The following IGDCC4 variants were observed in gnomAD, a reference collection of about 807,000 sequenced individuals.
IGDCC4 encodes the protein likely ortholog of mouse neighbor of Punc E11.
A neutral mutation model predicts 116.6 loss-of-function variants in IGDCC4; 72 were observed. The ratio of observed to expected loss-of-function variants is 0.62; its 90% CI spans 0.51 to 0.75. The LOEUF is 0.75. Ranked by LOEUF, IGDCC4 falls within the 30% of genes least tolerant of loss-of-function variation. The pLI is 0.00. For synonymous variants in IGDCC4, 709 were observed against 719.9 expected (o/e 0.98, Z 0.24); for missense variants, 1,501 against 1,662.4 (o/e 0.90, Z 1.69).
At chr15:65,392,426 GA>G in intron 10 of IGDCC4, 56 bp from the exon 11 acceptor site, 1 of 1,348,892 alleles carries the variant, frequency 7.4e-7, no homozygotes, top group Non-Finnish European at 1.0e-6. Flanking sequence ...AGAATGAGGA[GA>G]AGGAGGCCAG....
At position 65,388,949 on chromosome 15, in the gene IGDCC4, G is replaced by A. The variant is rs768750680; in HGVS notation, c.2566C>T (p.Leu856=). The part of the protein sequence containing the change: ...RPSTPPSDLR[L]SPLTPSTVRL... ...ACCGTGGACGGTGTCAGGGGGCTCAGTCGCAGGTCGGATGGGGGTGTGGAG... is the reference window on the plus strand; with the variant it reads ...ACCGTGGACGGTGTCAGGGGGCTCAATCGCAGGTCGGATGGGGGTGTGGAG... Residue 856 remains leucine, a synonymous_variant, in exon 15 of 20, where the codon CTG becomes TTG. Transcript: ENST00000352385. 4.3e-6 allele frequency: 7 copies of A among 1,609,592 alleles called. No individual in the cohort carries two copies. Among genetic ancestry groups the A allele is most frequent in the Non-Finnish European group, 5.9e-6 (7 of 1,178,128 alleles).
intron 4 of IGDCC4, among the ~76,000 whole-genome samples, chr15:65,401,957 C>T (rs1045563438): frequency 1.1e-5 from 1 of 91,308 alleles, no homozygotes; most frequent in Non-Finnish European, 2.3e-5. Flanking sequence ...GAGGGACGAA[C>T]CCCCAGTGCC....
At position 65,382,097 on chromosome 15, in the gene IGDCC4, A is replaced by C. The variant is rs1346248287; in HGVS notation, c.*1912T>G. ...AGGGCAGTTTTTTTTTCTTCTTTAA[A>C]AAAAAAAAATCAAACCAGCAAAATA... On this transcript the variant is annotated 3_prime_UTR_variant, in exon 20 of 20. Coordinates refer to ENST00000352385, the MANE Select transcript of IGDCC4 (RefSeq NM_020962.3). 6.6e-6 allele frequency: 1 copy of C among 152,460 alleles called. No individual in the cohort carries two copies. The highest frequency in any genetic ancestry group is 1.5e-5 in the Non-Finnish European group (1 of 68,016). 9.4% of individuals were successfully genotyped at this position (152,460 alleles called of 1,614,324 possible).
rs778384569 is a variant in IGDCC4, at chr15:65,388,907, G to T, written c.2608C>A (p.Pro870Thr). 4.3e-6 allele frequency: 7 copies of T among 1,613,698 alleles called. No homozygotes were observed. The highest frequency in any genetic ancestry group is 1.3e-5 in the African/African-American group (1 of 74,908). Residue 870 changes from proline (P) to threonine (T), a missense_variant, in exon 15 of 20, where the codon CCC becomes ACC. Coordinates refer to ENST00000352385, the MANE Select transcript of IGDCC4 (RefSeq NM_020962.3). ...TPSTVRLHWC[P>T]PTEPNGEIVE... ...ATCTCCCCGTTGGGCTCTGTGGGGG[G>T]GCACCAGTGCAGCCGAACCGTGGAC...
chr15:65,390,646 C>T (rs1009518409), intron 12 of IGDCC4, among the ~76,000 whole-genome samples: 1 of 152,198 alleles, frequency 6.6e-6, no homozygotes, highest in African/African-American at 2.4e-5. Context: ...CACTTACTAG[C>T]TGTGTGACCT....
Position 65,393,674 on chromosome 15 carries a change from G to T in IGDCC4, c.1715-143C>A. 3.8e-6 allele frequency: 3 copies of T among 783,000 alleles called. No individual in the cohort carries two copies. The highest frequency in any genetic ancestry group is 3.9e-6 in the Non-Finnish European group (2 of 513,286). The allele number at this position is 783,000 out of a possible 1,614,324, so 48.5% of individuals were successfully genotyped here. On this transcript the variant is annotated intron_variant, in intron 9 of 19. Coordinates refer to ENST00000352385, the MANE Select transcript of IGDCC4 (RefSeq NM_020962.3). The surrounding 1 kb of genome is among the most constrained non-coding windows in gnomAD (Gnocchi z 4.6). ...GCGTTCTCAGCACTGACCCCTCAGT[G>T]CCTGGGCAGATTCTATGGCTCCAGG...
At chr15:65,385,184 G>T in intron 18 of IGDCC4, 69 bp from the exon 19 acceptor site, 2 of 1,482,666 alleles carry the variant, frequency 1.3e-6, no homozygotes, top group Non-Finnish European at 1.8e-6. Context: ...AAGCCCGGGG[G>T]AGGGAATTGG....
chr15:65,409,835 TC>T (rs144286439), intron 3 of IGDCC4, among the ~76,000 whole-genome samples: 1,552 of 152,198 alleles, frequency 0.01, 21 homozygotes, highest in South Asian at 0.048. Flanking sequence ...CAACCAACAT[TC>T]TGCCAATGGC....
In IGDCC4 at chr15:65,410,165, A is replaced by C; in HGVS notation, c.563+13T>G. The stretch of plus-strand genomic sequence containing the variant: ...CCTGCCTACCAGGACCCGCTCCCCT[A>C]CAGGGCACTCACCGAGGCTCCTCAG... On this transcript the variant is annotated intron_variant, in intron 3 of 19. Transcript: ENST00000352385. 1 of 1,611,940 alleles carries C rather than the reference A, an allele frequency of 6.2e-7. No homozygotes were observed. The highest frequency in any genetic ancestry group is 8.5e-7 in the Non-Finnish European group (1 of 1,179,934).
intron 10 of IGDCC4, among the ~76,000 whole-genome samples, chr15:65,392,639 G>C (rs1248035637): frequency 1.3e-5 from 2 of 152,088 alleles, no homozygotes; most frequent in African/African-American, 4.8e-5. Context: ...TTTGCAAAGG[G>C]GTCAGCAAGG....
At position 65,395,789 on chromosome 15, in the gene IGDCC4, G is replaced by T. The variant is rs769522572; in HGVS notation, c.1372C>A (p.Gln458Lys). ...TAGTGGAGAGAGAAGCCGATGATCT[G>T]CTCGCTGTGCATCTCGGGCCGCTCC... ...AWERPEMHSE[Q>K]IIGFSLHYQK... The change falls in exon 7 of 20, where the codon CAG becomes AAG. Residue 458 changes from glutamine (Q) to lysine (K), a missense_variant. By Grantham distance (53) the Gln-to-Lys change is moderately conservative. Around this residue, in one of 3 missense-constraint regions of IGDCC4, gnomAD observed 898 missense variants for 978.9 expected, o/e 0.92. Transcript: ENST00000352385. 54 of 1,472,904 alleles carry T rather than the reference G, an allele frequency of 3.7e-5. No homozygotes were observed. The Admixed American group carries it at 4.1e-4, about 11-fold the overall frequency. The allele number at this position is 1,472,904 out of a possible 1,614,324, so 91.2% of individuals were successfully genotyped here.
chr15:65,383,423 A>G lies in IGDCC4; in HGVS notation c.*586T>C, dbSNP rs1488267419. On this transcript the variant is annotated 3_prime_UTR_variant, in exon 20 of 20. Transcript: ENST00000352385. The stretch of plus-strand genomic sequence containing the variant: ...CAAAACCAGGCACTTCCCAGATTAC[A>G]AAATTAAATGCAGAGTTGCTCGGAG... 6.6e-6 allele frequency: 1 copy of G among 152,340 alleles called. No individual in the cohort carries two copies. Among genetic ancestry groups the G allele is most frequent in the African/African-American group, 2.4e-5 (1 of 41,448 alleles). The allele number at this position is 152,340 out of a possible 1,614,324, so 9.4% of individuals were successfully genotyped here.
chr15:65,400,710 C>G, intron 5 of IGDCC4, 96 bp downstream of exon 5: 1 of 1,453,122 alleles, frequency 6.9e-7, no homozygotes, highest in East Asian at 2.3e-5. Flanking sequence ...TTCGTGACCA[C>G]TGGGTCGTCA....
rs189570349 is a variant in IGDCC4 at position 65,383,941 on chromosome 15, A to C, written c.*68T>G. The C allele has an allele frequency of 3.9e-3, 5,451 of 1,411,406 alleles. 15 individuals are homozygous for C. Among genetic ancestry groups the C allele is most frequent in the Non-Finnish European group, 4.4e-3 (4,618 of 1,054,470 alleles). 87.4% of individuals were successfully genotyped at this position (1,411,406 alleles called of 1,614,324 possible). A position where few individuals can be genotyped will look rare whatever the true frequency, so the allele number is the denominator to read the frequency against. On this transcript the variant is annotated 3_prime_UTR_variant, in exon 20 of 20. Coordinates refer to ENST00000352385, the MANE Select transcript of IGDCC4 (RefSeq NM_020962.3). ...TCTACAGGCACACATGTGGACATAC[A>C]CGGCCACAGGTATCGCATCCTATGT...
In IGDCC4 at chr15:65,416,395, C is replaced by T. The variant is rs576396020; in HGVS notation, c.71-5025G>A. Among the ~76,000 whole-genome samples the T allele has an allele frequency of 3.4e-4, 52 of 152,264 alleles. No homozygotes were observed. The South Asian group carries it at 5.8e-3, about 17-fold the overall frequency. On this transcript the variant is annotated intron_variant, in intron 1 of 19. Transcript: ENST00000352385. ...TTCGTGATCCGCCCGCCTCGGCCTTCCAAAGTGCTGGGATTACAGGCATGA... is the reference window on the plus strand; with the variant it reads ...TTCGTGATCCGCCCGCCTCGGCCTTTCAAAGTGCTGGGATTACAGGCATGA...
intron 6 of IGDCC4, 37 bp from the exon 7 acceptor site, chr15:65,396,200 C>A (rs2140207783): frequency 1.3e-6 from 2 of 1,496,834 alleles, no homozygotes; most frequent in Non-Finnish European, 1.8e-6. Flanking sequence ...CGCGGGATCC[C>A]GCAACTAAGG....
At chr15:65,418,508 A>G (rs2063163268) in intron 1 of IGDCC4, among the ~76,000 whole-genome samples, 1 of 151,966 alleles carries the variant, frequency 6.6e-6, no homozygotes, top group South Asian at 2.1e-4. Context: ...GATCCCAAGG[A>G]CCCCATGGGC....
At position 65,393,620 on chromosome 15, in the gene IGDCC4, C is replaced by T. The variant is rs563332949; in HGVS notation, c.1715-89G>A. On this transcript the variant is annotated intron_variant, in intron 9 of 19. Transcript: ENST00000352385. This position sits in a 1 kb window ranked among gnomAD's most constrained non-coding sequence, Gnocchi z 4.6. The stretch of plus-strand genomic sequence containing the variant: ...TACATGGCTCTTCCGCCTCACATCC[C>T]GGTTCCTCCGTGCCCGTGGGAGCCT... 261 of 1,387,068 alleles carry T rather than the reference C, an allele frequency of 1.9e-4. No homozygotes were observed. The highest frequency in any genetic ancestry group is 4.8e-4 in the Middle Eastern group (2 of 4,192). The allele number at this position is 1,387,068 out of a possible 1,614,324, so 85.9% of individuals were successfully genotyped here.
chr15:65,394,303 G>T (rs2062896755), intron 9 of IGDCC4, 108 bp downstream of exon 9: 4 of 1,537,282 alleles, frequency 2.6e-6, no homozygotes, highest in Non-Finnish European at 3.5e-6. Context: ...CCCCTACTCT[G>T]CTTCCTTTCC....
Sources: allele counts gnomAD v4.1 joint callset (sites outside exome capture counted in the v4.1 genomes callset), GRCh38; gene constraint gnomAD v4.1.1; regional missense constraint gnomAD v4.1.1; non-coding constraint Gnocchi (gnomAD v3.1); transcripts MANE v1.5; gene names NCBI Gene and HGNC (gene_info 2026-07-23, HGNC 2026-07-21).